Variants in OSBPL8 observed in about 807,000 individuals in gnomAD.
The protein encoded by OSBPL8 is oxysterol-binding protein-related protein 8.
Under a neutral mutation model 125.5 loss-of-function variants are expected in OSBPL8, and 59 were observed. The ratio of observed to expected loss-of-function variants is 0.47; its 90% CI spans 0.38 to 0.58. The LOEUF (loss-of-function observed/expected upper bound fraction) is 0.58. Ranked by LOEUF, OSBPL8 falls within the 20% of genes least tolerant of loss-of-function variation. The probability of loss-of-function intolerance (pLI) is 0.00; values close to 1 mark genes in which losing one functional copy is unlikely to be tolerated. For missense variants in OSBPL8, 758 were observed against 1,047.8 expected, an observed-to-expected ratio of 0.72 and a Z score of 3.82; for synonymous variants, 330 against 338.9, an observed-to-expected ratio of 0.97 and a Z score of 0.29.
At chr12:76,459,814 T>C (rs1486243933) in intron 3 of OSBPL8, 45 bp downstream of exon 3, 1 of 1,607,300 alleles carries the variant, frequency 6.2e-7, no homozygotes, top group African/African-American at 1.3e-5. Flanking sequence ...CACATCAAAA[T>C]ATTATCATGT....
intron 4 of OSBPL8, among the ~76,000 whole-genome samples, chr12:76,438,230 C>T (rs1871731529): frequency 1.3e-5 from 2 of 152,170 alleles, no homozygotes; most frequent in African/African-American, 4.8e-5. Flanking sequence ...TCATGATCCG[C>T]CCGCCTCGGC....
intron 1 of OSBPL8, among the ~76,000 whole-genome samples, chr12:76,554,617 A>G (rs1951041468): frequency 6.6e-6 from 1 of 152,196 alleles, no homozygotes; most frequent in African/African-American, 2.4e-5. Flanking sequence ...CATGTCAAGT[A>G]CTTCTAGAGT....
intron 1 of OSBPL8, among the ~76,000 whole-genome samples, chr12:76,513,599 G>A (rs1881223068): frequency 6.6e-6 from 1 of 151,834 alleles, no homozygotes; most frequent in Non-Finnish European, 1.5e-5. Context: ...TGATAAATCT[G>A]GGTGCTCCTG....
At chr12:76,357,488 C>A (rs1398264745) in intron 22 of OSBPL8, among the ~76,000 whole-genome samples, 2 of 152,130 alleles carry the variant, frequency 1.3e-5, no homozygotes, top group Non-Finnish European at 2.9e-5. Flanking sequence ...TAACTTGTGT[C>A]TCAGTTTCTT....
Position 76,371,544 on chromosome 12 carries a change from G to A in OSBPL8, c.1958C>T (p.Ser653Leu). ...AGGTGTTGGATTCCAGAAAACCTCT[G>A]AATTATCAGTCTTTTTATCAGTAAT... The part of the protein sequence containing the change: ...VFITDKKTDN[S>L]EVFWNPTPDI... The change falls in exon 19 of 24, where the codon TCA becomes TTA. Residue 653 changes from serine (S) to leucine (L), a missense_variant. By Grantham distance (145) the Ser-to-Leu change is moderately radical. This residue lies in a region of OSBPL8 where 572 missense variants were observed against 762.0 expected (regional missense o/e 0.75). Transcript: ENST00000261183. The A allele has an allele frequency of 6.2e-7, 1 of 1,609,762 alleles. No homozygotes were observed. Among genetic ancestry groups the A allele is most frequent in the Non-Finnish European group, 8.5e-7 (1 of 1,177,970 alleles).
chr12:76,471,370 C>A (rs1005139934), intron 2 of OSBPL8, among the ~76,000 whole-genome samples: 2 of 152,132 alleles, frequency 1.3e-5, no homozygotes, highest in Non-Finnish European at 2.9e-5. Context: ...TACCTCCCAC[C>A]AAATCACACA....
intron 4 of OSBPL8, among the ~76,000 whole-genome samples, chr12:76,434,549 A>C (rs566576422): frequency 2.0e-5 from 3 of 152,218 alleles, no homozygotes; most frequent in East Asian, 3.9e-4. Context: ...AACAATCAAC[A>C]TAGTGAAATG....
chr12:76,398,660 T>A lies in OSBPL8; in HGVS notation c.469-763A>T, dbSNP rs548407977. On this transcript the variant is annotated intron_variant, in intron 7 of 23. Transcript: ENST00000261183. Reference sequence around the variant, plus strand: ...ATATTTAGATCAAAAATAAGAATTATACTTTTACTGTAAAACATCTGTTAT... The same window carrying A: ...ATATTTAGATCAAAAATAAGAATTAAACTTTTACTGTAAAACATCTGTTAT... Among the ~76,000 whole-genome samples the A allele has an allele frequency of 2.0e-4, 31 of 152,324 alleles. No individual in the cohort carries two copies. The South Asian group carries it at 5.8e-3, about 28-fold the overall frequency.
intron 15 of OSBPL8, among the ~76,000 whole-genome samples, chr12:76,382,316 T>C (rs1953093422): frequency 1.3e-5 from 2 of 152,180 alleles, no homozygotes; most frequent in African/African-American, 4.8e-5. Flanking sequence ...TTCTTACTGA[T>C]TTTTTACCTA....
chr12:76,522,718 A>G (rs1950056511), intron 1 of OSBPL8, among the ~76,000 whole-genome samples: 1 of 152,230 alleles, frequency 6.6e-6, no homozygotes, highest in Non-Finnish European at 1.5e-5. Flanking sequence ...AATGAGCTAA[A>G]CAAACCTCTT....
At chr12:76,469,815 T>C (rs1263143708) in intron 2 of OSBPL8, among the ~76,000 whole-genome samples, 1 of 152,168 alleles carries the variant, frequency 6.6e-6, no homozygotes, top group Non-Finnish European at 1.5e-5. Flanking sequence ...ATTTTGTCTA[T>C]TTTGTTCACT....
chr12:76,481,588 C>G (rs542204422), intron 2 of OSBPL8, among the ~76,000 whole-genome samples: 1 of 152,008 alleles, frequency 6.6e-6, no homozygotes, highest in Non-Finnish European at 1.5e-5. Flanking sequence ...TAGGATCACA[C>G]GACTACAGTC....
At chr12:76,374,639 C>T (rs912971778) in intron 17 of OSBPL8, among the ~76,000 whole-genome samples, 2 of 152,076 alleles carry the variant, frequency 1.3e-5, no homozygotes, top group East Asian at 1.9e-4. Context: ...TCTAGTCCTT[C>T]GGTCACCCTA....
intron 4 of OSBPL8, among the ~76,000 whole-genome samples, chr12:76,439,534 A>G (rs1871922956): frequency 6.6e-6 from 1 of 152,158 alleles, no homozygotes. Flanking sequence ...GCTTGGGGGG[A>G]GAGTGTTTTT....
chr12:76,481,540 G>A lies in OSBPL8; in HGVS notation c.42+5970C>T, dbSNP rs1420439476. ...AGCTACTCTGGAGGCTGAGGTGGGA[G>A]GATCACTTAAGCCCAGGAATTCAAG... On this transcript the variant is annotated intron_variant, in intron 2 of 23. Transcript: ENST00000261183. Among the ~76,000 whole-genome samples the A allele has an allele frequency of 2.0e-5, 3 of 152,054 alleles. No individual in the cohort carries two copies. The East Asian group carries it at 5.8e-4, about 29-fold the overall frequency.
At chr12:76,414,450 G>GT (rs35085467) in intron 4 of OSBPL8, among the ~76,000 whole-genome samples, 1,618 of 120,496 alleles carry the variant, frequency 0.013, 22 homozygotes, top group Middle Eastern at 0.051. Flanking sequence ...TATTTTTCTG[G>GT]TTTTTTTTTT....
At chr12:76,377,900 G>A (rs1434706718) in intron 16 of OSBPL8, among the ~76,000 whole-genome samples, 1 of 152,096 alleles carries the variant, frequency 6.6e-6, no homozygotes, top group Non-Finnish European at 1.5e-5. Context: ...AGGAGCTGCT[G>A]AAATGATTAA....
chr12:76,447,797 T>C (rs1212175399), intron 4 of OSBPL8, among the ~76,000 whole-genome samples: 1 of 152,206 alleles, frequency 6.6e-6, no homozygotes, highest in Admixed American at 6.5e-5. Context: ...TCCACCCGCC[T>C]TGGCCTCCCA....
At chr12:76,471,158 C>G (rs945959984) in intron 2 of OSBPL8, among the ~76,000 whole-genome samples, 1 of 152,116 alleles carries the variant, frequency 6.6e-6, no homozygotes, top group Non-Finnish European at 1.5e-5. Flanking sequence ...TTCAGAGCCT[C>G]GGTTTCTTCA....
Sources: gnomAD v4.1 joint callset for allele counts (sites outside exome capture counted in the v4.1 genomes callset) on GRCh38, gnomAD v4.1.1 for gene constraint, gnomAD v4.1.1 regional missense constraint, MANE v1.5 for transcripts, NCBI Gene and HGNC (gene_info 2026-07-23, HGNC 2026-07-21) for gene names.